The following PDE8B variants were observed in gnomAD, a reference collection of about 807,000 sequenced individuals.
The protein encoded by PDE8B is phosphodiesterase 8B, also known as high affinity cAMP-specific and IBMX-insensitive 3',5'-cyclic phosphodiesterase 8B.
In PDE8B, 26 loss-of-function variants were observed where a neutral mutation model predicts 101.3. The observed-to-expected ratio is 0.26, with a 90% confidence interval of 0.19 to 0.36. The LOEUF is 0.36. Among genes scored for constraint, PDE8B ranks in the 10% least tolerant of loss-of-function variants. The pLI is 1.00. For synonymous variants in PDE8B, 424 were observed against 429.3 expected (o/e 0.99, Z 0.15); for missense variants, 810 against 1,163.1 (o/e 0.70, Z 4.42).
chr5:77,316,081 A>G (rs902699838), intron 2 of PDE8B, among the ~76,000 whole-genome samples: 4 of 151,914 alleles, frequency 2.6e-5, no homozygotes, highest in East Asian at 3.8e-4. Context: ...GAATACTGAT[A>G]TAGTTTTATT....
At chr5:77,101,973 G>A in the PDE8B span, among the ~76,000 whole-genome samples, 3 of 152,086 alleles carry the variant, frequency 2.0e-5, no homozygotes, top group Admixed American at 1.3e-4. Context: ...CAATATGAAC[G>A]TACTTAATGC....
chr5:77,332,088 G>A (rs1193436441), intron 5 of PDE8B, among the ~76,000 whole-genome samples: 1 of 152,106 alleles, frequency 6.6e-6, no homozygotes, highest in Non-Finnish European at 1.5e-5. Flanking sequence ...AAAGCTGTGT[G>A]CCTGCAAATG....
chr5:77,126,085 G>A, the PDE8B span, among the ~76,000 whole-genome samples: 1 of 152,140 alleles, frequency 6.6e-6, no homozygotes, highest in Non-Finnish European at 1.5e-5. Context: ...AGGAGATCGA[G>A]ACCATCCTGG....
chr5:77,224,803 G>A (rs182951598), intron 1 of PDE8B, among the ~76,000 whole-genome samples: 12 of 152,034 alleles, frequency 7.9e-5, no homozygotes, highest in Admixed American at 2.6e-4. Context: ...CTTACAATTT[G>A]TTTGTTGAAG....
At position 77,325,616 on chromosome 5, in the gene PDE8B, C is replaced by G; in HGVS notation, c.477C>G (p.Cys159Trp). The change falls in exon 3 of 22, where the codon TGC becomes TGG. Residue 159 changes from cysteine to tryptophan, a missense_variant. Around this residue, in one of 4 missense-constraint regions of PDE8B, gnomAD observed 251 missense variants for 378.8 expected, o/e 0.66. Coordinates refer to ENST00000264917, the MANE Select transcript of PDE8B (RefSeq NM_003719.5). ...CCTGCGACAGAGCTGGTTATAGATG[C>G]AATATTGCTCGGACTCCAGAGTCAG... ...WWACDRAGYR[C>W]NIARTPESAL... 1.2e-6 allele frequency: 2 copies of G among 1,613,424 alleles called. No homozygotes were observed. Among genetic ancestry groups the G allele is most frequent in the South Asian group, 2.2e-5 (2 of 91,058 alleles).
intron 1 of PDE8B, among the ~76,000 whole-genome samples, chr5:77,234,827 G>T (rs1754345293): frequency 6.6e-6 from 1 of 152,190 alleles, no homozygotes; most frequent in Non-Finnish European, 1.5e-5. Context: ...CTCTCTAAAT[G>T]AATATTATTT....
intron 10 of PDE8B, among the ~76,000 whole-genome samples, chr5:77,364,122 C>T (rs1783667383): frequency 6.6e-6 from 1 of 152,142 alleles, no homozygotes; most frequent in Non-Finnish European, 1.5e-5. Flanking sequence ...AAACTGGAGG[C>T]CCAGACCTGC....
the PDE8B span, chr5:77,112,968 C>T: frequency 1.1e-4 from 17 of 151,990 alleles, no homozygotes; most frequent in Admixed American, 5.9e-4. Context: ...AAGGATGTGA[C>T]GGACTTCTTC....
chr5:77,393,522 AAAAT>A (rs1396141366), intron 10 of PDE8B, among the ~76,000 whole-genome samples: 1 of 152,196 alleles, frequency 6.6e-6, no homozygotes, highest in African/African-American at 2.4e-5. Context: ...GGAATAATGA[AAAAT>A]AAAAAATAAA....
intron 6 of PDE8B, among the ~76,000 whole-genome samples, chr5:77,344,264 C>T (rs1581154661): frequency 6.6e-6 from 1 of 152,204 alleles, no homozygotes; most frequent in Admixed American, 6.5e-5. Flanking sequence ...GTTTAGTGGG[C>T]TTGTTTACAC....
Position 77,394,886 on chromosome 5 carries a change from A to G in PDE8B, c.1168-5362A>G, listed in dbSNP as rs756803467. On this transcript the variant is annotated intron_variant, in intron 10 of 21. Coordinates refer to ENST00000264917, the MANE Select transcript of PDE8B (RefSeq NM_003719.5). ...CCAAGGGACCTGGGCACTTTGGTCA[A>G]TGTGTCTTGATTAATTACCTCAACA... 2.5e-4 allele frequency among the ~76,000 whole-genome samples: 38 copies of G among 152,144 alleles called. 1 individual carries two copies. Among genetic ancestry groups the G allele is most frequent in the South Asian group, 2.1e-4 (1 of 4,822 alleles).
chr5:77,262,003 G>A (rs1417844199), intron 1 of PDE8B, among the ~76,000 whole-genome samples: 1 of 152,062 alleles, frequency 6.6e-6, no homozygotes, highest in Admixed American at 6.6e-5. Context: ...AATAAATTGG[G>A]CTTCAATTTT....
intron 14 of PDE8B, chr5:77,410,631 T>G (rs1794372192): frequency 1.3e-5 from 2 of 152,168 alleles, no homozygotes; most frequent in Admixed American, 6.5e-5. Context: ...GAAGAGCAAG[T>G]AAAACCAAGA....
chr5:77,386,835 G>A (rs1038779354), intron 10 of PDE8B, among the ~76,000 whole-genome samples: 7 of 146,076 alleles, frequency 4.8e-5, no homozygotes, highest in African/African-American at 1.8e-4. Flanking sequence ...GATGCTAGCT[G>A]GTTATTTTGC....
intron 1 of PDE8B, among the ~76,000 whole-genome samples, chr5:77,287,837 CA>C (rs1253086690): frequency 6.6e-6 from 1 of 152,130 alleles, no homozygotes; most frequent in Non-Finnish European, 1.5e-5. Flanking sequence ...AGTTCTTTGT[CA>C]AAATGTTGTT....
intron 1 of PDE8B, among the ~76,000 whole-genome samples, chr5:77,295,509 T>C (rs1768321720): frequency 6.6e-6 from 1 of 152,228 alleles, no homozygotes; most frequent in Non-Finnish European, 1.5e-5. Flanking sequence ...TGCTCAGGTG[T>C]TGGCTTTGAC....
intron 10 of PDE8B, among the ~76,000 whole-genome samples, chr5:77,355,571 A>G (rs543940616): frequency 3.9e-5 from 6 of 152,316 alleles, no homozygotes; most frequent in African/African-American, 1.4e-4. Context: ...GCTTGCCGTC[A>G]GCAAAGATCC....
At position 77,368,191 on chromosome 5, in the gene PDE8B, A is replaced by G. The variant is rs535586626; in HGVS notation, c.1167+14785A>G. 1.9e-3 allele frequency among the ~76,000 whole-genome samples: 283 copies of G among 152,250 alleles called. 2 individuals carry two copies. The highest frequency in any genetic ancestry group is 6.6e-3 in the African/African-American group (275 of 41,550). On this transcript the variant is annotated intron_variant, in intron 10 of 21. Coordinates refer to ENST00000264917, the MANE Select transcript of PDE8B (RefSeq NM_003719.5). ...TGGAAGCATCTTCACTTTCTCCAGA[A>G]TCACTGTATTAAAGCCATTCCTCCT... is the stretch of plus-strand genomic sequence containing the variant.
chr5:77,227,535 T>A (rs1293906247), intron 1 of PDE8B, among the ~76,000 whole-genome samples: 1 of 151,998 alleles, frequency 6.6e-6, no homozygotes, highest in Non-Finnish European at 1.5e-5. Context: ...ATGAATTAGA[T>A]TCATAGCAAA....
Sources: allele counts gnomAD v4.1 joint callset (sites outside exome capture counted in the v4.1 genomes callset), GRCh38; gene constraint gnomAD v4.1.1; regional missense constraint gnomAD v4.1.1; transcripts MANE v1.5; gene names NCBI Gene and HGNC (gene_info 2026-07-23, HGNC 2026-07-21).